PALLD: variants seen among roughly 807,000 people sequenced by gnomAD.
PALLD encodes palladin, cytoskeletal associated protein, also known as palladin.
A neutral mutation model predicts 123.5 loss-of-function variants in PALLD; 61 were observed. The observed-to-expected ratio is 0.49, with a 90% CI of 0.40 to 0.61. PALLD has a LOEUF of 0.61. Ranked by LOEUF, PALLD falls within the 20% of genes least tolerant of loss-of-function variation. The pLI is 0.00. For synonymous variants in PALLD, 465 were observed against 496.4 expected, an observed-to-expected ratio of 0.94 and a Z score of 0.84; for missense variants, 1,273 against 1,377.0, an observed-to-expected ratio of 0.92 and a Z score of 1.20.
chr4:168,920,102 C>T (rs535966224), intron 17 of PALLD, among the ~76,000 whole-genome samples: 1 of 152,144 alleles, frequency 6.6e-6, no homozygotes, highest in Non-Finnish European at 1.5e-5. Context: ...GTGGGAACAA[C>T]AAGGAGCCTG....
intron 2 of PALLD, among the ~76,000 whole-genome samples, chr4:168,609,759 G>A (rs1297715583): frequency 6.6e-6 from 1 of 152,200 alleles, no homozygotes; most frequent in Admixed American, 6.5e-5. Flanking sequence ...AGAACCTTCT[G>A]AATCTGAGGT....
chr4:168,731,290 A>G (rs538474059), intron 10 of PALLD, among the ~76,000 whole-genome samples: 1 of 152,346 alleles, frequency 6.6e-6, no homozygotes, highest in South Asian at 2.1e-4. Context: ...TCAATCTGCC[A>G]TCTTTAAGTG....
chr4:168,680,908 A>G (rs184765358), intron 3 of PALLD, among the ~76,000 whole-genome samples: 11 of 152,346 alleles, frequency 7.2e-5, no homozygotes, highest in Admixed American at 6.5e-4. Context: ...AACCACTGTC[A>G]TACTCAGTTT....
intron 10 of PALLD, among the ~76,000 whole-genome samples, chr4:168,746,710 T>C (rs896505747): frequency 3.3e-5 from 5 of 152,116 alleles, no homozygotes; most frequent in Non-Finnish European, 5.9e-5. Flanking sequence ...TTCCCAGAAC[T>C]AGAAACATAA....
intron 2 of PALLD, among the ~76,000 whole-genome samples, chr4:168,602,338 T>C (rs1308421556): frequency 2.0e-5 from 3 of 152,198 alleles, no homozygotes; most frequent in African/African-American, 7.2e-5. Flanking sequence ...GACTCTGAAT[T>C]CCAGGACTTC....
At chr4:168,690,841 C>G in intron 7 of PALLD, 97 bp downstream of exon 7, 4 of 1,255,236 alleles carry the variant, frequency 3.2e-6, no homozygotes, top group Non-Finnish European at 3.5e-6. Context: ...GAATTGATCT[C>G]TATGTTCAAA....
chr4:168,679,327 G>A (rs375534361), intron 3 of PALLD, among the ~76,000 whole-genome samples: 6 of 88,752 alleles, frequency 6.8e-5, no homozygotes, highest in African/African-American at 2.3e-4. Flanking sequence ...GCGGTGGGGG[G>A]TATATGTGTG....
chr4:168,522,896 C>T (rs993115541), intron 2 of PALLD, among the ~76,000 whole-genome samples: 2 of 152,076 alleles, frequency 1.3e-5, no homozygotes, highest in East Asian at 3.9e-4. Flanking sequence ...AAAGCTTTTC[C>T]TGGCCAAAAA....
chr4:168,799,156 T>C (rs6553121), intron 10 of PALLD, among the ~76,000 whole-genome samples: 94,223 of 151,994 alleles, frequency 0.62, 29,581 homozygotes, highest in Non-Finnish European at 0.66. Context: ...TTTGAATACT[T>C]GGCAGTGTGT....
intron 10 of PALLD, among the ~76,000 whole-genome samples, chr4:168,720,182 T>C (rs761018743): frequency 2.6e-5 from 4 of 152,228 alleles, no homozygotes; most frequent in Non-Finnish European, 5.9e-5. Context: ...AACGTGCAGA[T>C]GCATACACAT....
intron 10 of PALLD, among the ~76,000 whole-genome samples, chr4:168,806,312 C>A (rs1740187049): frequency 1.3e-5 from 2 of 152,208 alleles, no homozygotes; most frequent in South Asian, 4.1e-4. Flanking sequence ...GATCTGCCCA[C>A]CTCCGTCTCC....
At chr4:168,720,968 G>C (rs563394770) in intron 10 of PALLD, among the ~76,000 whole-genome samples, 2 of 152,166 alleles carry the variant, frequency 1.3e-5, no homozygotes, top group African/African-American at 4.8e-5. Flanking sequence ...GTGCTTTGCT[G>C]TGCCAGTCTC....
At chr4:168,549,593 A>G (rs897411280) in intron 2 of PALLD, among the ~76,000 whole-genome samples, 2 of 152,178 alleles carry the variant, frequency 1.3e-5, no homozygotes, top group Admixed American at 6.5e-5. Flanking sequence ...CCTCCCTCTT[A>G]TTAATACTTC....
intron 2 of PALLD, among the ~76,000 whole-genome samples, chr4:168,532,630 C>A (rs1023616374): frequency 1.3e-5 from 2 of 151,988 alleles, no homozygotes; most frequent in African/African-American, 4.8e-5. Flanking sequence ...AGAGGATTGT[C>A]TGAAAAATCA....
chr4:168,821,901 A>G (rs1394505625), intron 10 of PALLD, among the ~76,000 whole-genome samples: 1 of 149,548 alleles, frequency 6.7e-6, no homozygotes, highest in African/African-American at 2.5e-5. Flanking sequence ...AAAAAAAAAA[A>G]GTTTTAGTAT....
At chr4:168,512,487 AT>A in intron 2 of PALLD, 75 bp downstream of exon 2, 1 of 1,346,078 alleles carries the variant, frequency 7.4e-7, no homozygotes, top group Non-Finnish European at 1.0e-6. Flanking sequence ...AGGAAGAAAG[AT>A]TTCCTGTGTC....
At chr4:168,705,615 T>C (rs1341122156) in intron 8 of PALLD, among the ~76,000 whole-genome samples, 1 of 152,174 alleles carries the variant, frequency 6.6e-6, no homozygotes, top group Non-Finnish European at 1.5e-5. Flanking sequence ...TCACAGTGTT[T>C]TACTTAAATT....
intron 2 of PALLD, among the ~76,000 whole-genome samples, chr4:168,660,010 C>T (rs961163298): frequency 2.0e-5 from 3 of 152,140 alleles, no homozygotes; most frequent in Non-Finnish European, 4.4e-5. Context: ...TTGTTGGTTC[C>T]TTTCATTAAT....
chr4:168,595,283 C>T (rs918935321), intron 2 of PALLD, among the ~76,000 whole-genome samples: 1 of 152,098 alleles, frequency 6.6e-6, no homozygotes, highest in South Asian at 2.1e-4. Context: ...TTTTAAGTTT[C>T]CCAATGCAGC....
Sources: allele counts gnomAD v4.1 joint callset (sites outside exome capture counted in the v4.1 genomes callset), GRCh38; gene constraint gnomAD v4.1.1; transcripts MANE v1.5; gene names NCBI Gene and HGNC (gene_info 2026-07-23, HGNC 2026-07-21).